The following PROSER1 variants were observed in gnomAD, a reference collection of about 807,000 sequenced individuals.
The protein encoded by PROSER1 is proline and serine-rich protein 1.
PROSER1 carries 36 observed loss-of-function variants against 71.8 expected under a neutral mutation model. That is an observed-to-expected ratio of 0.50 (90% CI 0.38 to 0.66). The LOEUF is 0.66. PROSER1 is among the 30% of genes least tolerant of loss of function. The probability of loss-of-function intolerance (pLI) is 0.00; values close to 1 mark genes in which losing one functional copy is unlikely to be tolerated. For synonymous variants in PROSER1, 490 were observed against 452.4 expected (o/e 1.08, Z -1.06); for missense variants, 1,107 against 1,135.0 (o/e 0.98, Z 0.35).
At chr13:39,032,988 T>C (rs1485104256) in intron 2 of PROSER1, among the ~76,000 whole-genome samples, 3 of 152,152 alleles carry the variant, frequency 2.0e-5, no homozygotes, top group African/African-American at 7.2e-5. Context: ...TGGCGCGATC[T>C]TGGCTCACTG....
Position 39,034,207 on chromosome 13 carries a change from A to AC in PROSER1, c.46-12_46-11insG, listed in dbSNP as rs1566029601. 3 of 1,578,978 alleles carry AC rather than the reference A, an allele frequency of 1.9e-6. No individual in the cohort carries two copies. Among genetic ancestry groups the AC allele is most frequent in the South Asian group, 2.4e-5 (2 of 84,542 alleles). On this transcript the variant is annotated splice_polypyrimidine_tract_variant and intron_variant, in intron 1 of 12. Transcript: ENST00000352251. ...TTCTGTCAAAACAGCCTAAAAAAAA[A>AC]AAACACACACACACAGAGTAAAACA...
Position 39,013,775 on chromosome 13 carries a change from CAGCAGAGGATAA to C in PROSER1, c.1465_1476del (p.Leu489_Ala492del), listed in dbSNP as rs1242336682. On this transcript the variant is annotated inframe_deletion, in exon 11 of 13. Coordinates refer to ENST00000352251, the MANE Select transcript of PROSER1 (RefSeq NM_025138.5). ...GATAGTGAAGCCAGCCCACTTGTGA[CAGCAGAGGATAA>C]AGCAGAGGAGTTGATTAAATTGGTG... 3.1e-6 allele frequency: 5 copies of C among 1,614,148 alleles called. No homozygotes were observed. In the Admixed American group the frequency reaches 5.0e-5, roughly 16 times the overall value.
chr13:39,013,908 A>G lies in PROSER1; in HGVS notation c.1344T>C (p.Pro448=). 1.2e-6 allele frequency: 2 copies of G among 1,614,206 alleles called. No individual in the cohort carries two copies. The highest frequency in any genetic ancestry group is 8.5e-7 in the Non-Finnish European group (1 of 1,180,040). Residue 448 remains proline, a synonymous_variant, in exon 11 of 13, where the codon CCT becomes CCC. Transcript: ENST00000352251. ...TGGGAGTAGAGCCACCAGCAATTACAGGAGTCGGGTTGGATAGGCCTTGGG... is the reference window on the plus strand; with the variant it reads ...TGGGAGTAGAGCCACCAGCAATTACGGGAGTCGGGTTGGATAGGCCTTGGG... ...PTSQGLSNPT[P]VIAGGSTPSV...
rs67984592 is a variant in PROSER1 at position 39,024,561 on chromosome 13, TAAA to T, written c.481-8_481-6del. 720 of 1,265,874 alleles carry T rather than the reference TAAA, an allele frequency of 5.7e-4. No homozygotes were observed. The highest frequency in any genetic ancestry group is 7.2e-4 in the South Asian group (50 of 69,060). The allele number at this position is 1,265,874 out of a possible 1,614,324, so 78.4% of individuals were successfully genotyped here. A position where few individuals can be genotyped will look rare whatever the true frequency, so the allele number is the denominator to read the frequency against. ...ATCTTTTTTCAAAGGAGTTCCCTAT[TAAA>T]AAAAAAAAAAAAAGGTAATTGAAAC... On this transcript the variant is annotated splice_region_variant and splice_polypyrimidine_tract_variant and intron_variant, in intron 6 of 12. Coordinates refer to ENST00000352251, the MANE Select transcript of PROSER1 (RefSeq NM_025138.5).
Position 39,012,106 on chromosome 13 carries a change from C to T in PROSER1, c.2689G>A (p.Ala897Thr). 1 of 1,614,052 alleles carries T rather than the reference C, an allele frequency of 6.2e-7. No individual in the cohort carries two copies. Among genetic ancestry groups the T allele is most frequent in the Non-Finnish European group, 8.5e-7 (1 of 1,180,006 alleles). Residue 897 changes from alanine to threonine, a missense_variant, in exon 12 of 13, where the codon GCG becomes ACG. By Grantham distance (58) the Ala-to-Thr change is moderately conservative. Coordinates refer to ENST00000352251, the MANE Select transcript of PROSER1 (RefSeq NM_025138.5). The part of the protein sequence containing the change: ...SLQELQHNAA[A>T]QSALLQQVHS... ...ACCTGCTGTAACAATGCTGACTGCG[C>T]AGCCGCATTATGCTGTAATTCTTGC...
chr13:39,032,531 C>T (rs1289978635), intron 2 of PROSER1, among the ~76,000 whole-genome samples: 3 of 152,126 alleles, frequency 2.0e-5, no homozygotes, highest in African/African-American at 7.2e-5. Context: ...TTATTCTATA[C>T]AGCAAGGTCA....
rs771002346 is a variant in PROSER1, at chr13:39,014,283, G to C, written c.969C>G (p.Ala323=). Residue 323 remains alanine, a synonymous_variant, in exon 11 of 13, where the codon GCC becomes GCG. Coordinates refer to ENST00000352251, the MANE Select transcript of PROSER1 (RefSeq NM_025138.5). ...LPVFPGQVSS[A]VHTPQPSIPN... The stretch of plus-strand genomic sequence containing the variant: ...GTATTGATGGCTGAGGTGTGTGAAC[G>C]GCTGAGGAGACCTGCCCTGGGAACA... 3.7e-6 allele frequency: 6 copies of C among 1,614,118 alleles called. No individual in the cohort carries two copies. The highest frequency in any genetic ancestry group is 1.6e-4 in the Middle Eastern group (1 of 6,062).
Position 39,023,034 on chromosome 13 carries a change from A to T in PROSER1, c.643+18T>A. The T allele has an allele frequency of 1.3e-6, 2 of 1,595,018 alleles. No homozygotes were observed. The highest frequency in any genetic ancestry group is 1.7e-6 in the Non-Finnish European group (2 of 1,165,464). On this transcript the variant is annotated intron_variant, in intron 8 of 12. Transcript: ENST00000352251. ...CAGCAAAAAAGAAAAACAAGTAAAAAATAAGGGAACTCCTTACTTGGTGCA... is the reference window on the plus strand; with the variant it reads ...CAGCAAAAAAGAAAAACAAGTAAAATATAAGGGAACTCCTTACTTGGTGCA...
chr13:39,031,258 A>G (rs1870828248), intron 3 of PROSER1, among the ~76,000 whole-genome samples: 1 of 152,254 alleles, frequency 6.6e-6, no homozygotes, highest in Admixed American at 6.5e-5. Flanking sequence ...GACTAAATAG[A>G]AAGATGGTGA....
chr13:39,031,681 T>C (rs774022005), intron 2 of PROSER1, 50 bp from the exon 3 acceptor site: 112 of 1,499,718 alleles, frequency 7.5e-5, no homozygotes, highest in Non-Finnish European at 1.0e-4. Flanking sequence ...TGCAAACATT[T>C]CTATAAGATT....
Position 39,024,543 on chromosome 13 carries a change from T to C in PROSER1, c.494A>G (p.Lys165Arg). The C allele has an allele frequency of 1.3e-6, 2 of 1,596,484 alleles. No homozygotes were observed. The highest frequency in any genetic ancestry group is 1.7e-6 in the Non-Finnish European group (2 of 1,171,566). Residue 165 changes from lysine to arginine, a missense_variant, in exon 7 of 13, where the codon AAA (lysine) becomes AGA (arginine). Coordinates refer to ENST00000352251, the MANE Select transcript of PROSER1 (RefSeq NM_025138.5). ...GTTAGTACATTCTTCACCATCTTTT[T>C]TCAAAGGAGTTCCCTATTAAAAAAA... The part of the protein sequence containing the change: ...INGIFPGTPL[K>R]KDGEECTNEG...
intron 5 of PROSER1, 72 bp downstream of exon 5, chr13:39,028,155 A>G: frequency 7.8e-6 from 6 of 770,456 alleles, no homozygotes; most frequent in Non-Finnish European, 1.4e-5. Flanking sequence ...TAGTAAGAAG[A>G]AAGGTGCTTT....
At chr13:39,029,164 C>A in intron 4 of PROSER1, 117 bp downstream of exon 4, 2 of 584,802 alleles carry the variant, frequency 3.4e-6, no homozygotes, top group Non-Finnish European at 2.9e-6. Context: ...CAGAATGTAC[C>A]ACTATGCTTT....
chr13:39,031,491 TA>T, intron 3 of PROSER1, 71 bp downstream of exon 3: 1 of 1,115,970 alleles, frequency 9.0e-7, no homozygotes, highest in Non-Finnish European at 1.3e-6. Context: ...ACAACTGAAA[TA>T]AATTACACAC....
intron 9 of PROSER1, among the ~76,000 whole-genome samples, chr13:39,020,917 T>C (rs1164095424): frequency 3.9e-5 from 6 of 152,204 alleles, no homozygotes; most frequent in African/African-American, 1.4e-4. Flanking sequence ...CTCTCCATGG[T>C]AGGCATAATT....
intron 5 of PROSER1, 119 bp downstream of exon 5, chr13:39,028,108 C>T: frequency 1.7e-6 from 1 of 574,502 alleles, no homozygotes. Context: ...TCATTTTTAA[C>T]CCATTGTACA....
intron 9 of PROSER1, among the ~76,000 whole-genome samples, chr13:39,018,762 A>G (rs1367330910): frequency 1.3e-5 from 2 of 152,086 alleles, no homozygotes; most frequent in East Asian, 3.8e-4. Context: ...GGAGGAGGGG[A>G]AAAAAAGCAG....
intron 1 of PROSER1, 101 bp downstream of exon 1, chr13:39,037,097 C>T (rs1470820001): frequency 2.2e-6 from 2 of 891,752 alleles, no homozygotes; most frequent in Non-Finnish European, 3.7e-6. Context: ...TTTGGCAATC[C>T]TAGGACCCTT....
In PROSER1 at chr13:39,031,015, C is replaced by T. The variant is rs926389801; in HGVS notation, c.180+548G>A. ...ATATTGCTTCAAAAATCTTCCTACA[C>T]AGCCAGATACTCCTGTGTGATCCAG... On this transcript the variant is annotated intron_variant, in intron 3 of 12. Coordinates refer to ENST00000352251, the MANE Select transcript of PROSER1 (RefSeq NM_025138.5). Among the ~76,000 whole-genome samples the T allele has an allele frequency of 3.7e-4, 57 of 152,134 alleles. 1 individual carries two copies. The highest frequency in any genetic ancestry group is 1.5e-5 in the Non-Finnish European group (1 of 68,034).
Sources: gnomAD v4.1 joint callset for allele counts (sites outside exome capture counted in the v4.1 genomes callset) on GRCh38, gnomAD v4.1.1 for gene constraint, MANE v1.5 for transcripts, NCBI Gene and HGNC (gene_info 2026-07-23, HGNC 2026-07-21) for gene names.